ARHGAP40: variants seen among roughly 807,000 people sequenced by gnomAD.
The protein encoded by ARHGAP40 is rho GTPase-activating protein 40.
Under a neutral mutation model 73.5 loss-of-function variants are expected in ARHGAP40, and 43 were observed. The ratio of observed to expected loss-of-function variants is 0.58; its 90% confidence interval spans 0.46 to 0.75. The LOEUF (loss-of-function observed/expected upper bound fraction) is 0.75, where lower values mean the gene tolerates loss of function less well. Among genes scored for constraint, ARHGAP40 ranks in the 30% least tolerant of loss-of-function variants. The pLI is 0.00. For missense variants in ARHGAP40, 734 were observed against 861.8 expected (o/e 0.85, Z 1.86); for synonymous variants, 300 against 352.8 (o/e 0.85, Z 1.68).
At position 38,614,418 on chromosome 20, in the gene ARHGAP40, C is replaced by G. The variant is rs79393850; in HGVS notation, c.138-8941C>G. Among the ~76,000 whole-genome samples the G allele has an allele frequency of 4.2e-3, 638 of 152,168 alleles. 4 individuals are homozygous for G. Among genetic ancestry groups the G allele is most frequent in the African/African-American group, 0.014 (574 of 41,506 alleles). ...TGGATCGGGGCTTAGAGCATAAGCA[C>G]TGGTCAGCATCATTAGCTGCACCAT... On this transcript the variant is annotated intron_variant, in intron 1 of 14. Coordinates refer to ENST00000373345, the Ensembl canonical transcript of ARHGAP40.
chr20:38,628,350 G>C (rs2088915833), intron 3 of ARHGAP40, among the ~76,000 whole-genome samples: 1 of 151,604 alleles, frequency 6.6e-6, no homozygotes, highest in South Asian at 2.1e-4. Context: ...TGTCGCCCAG[G>C]CTAGAGTGCA....
exon 7 of ARHGAP40, chr20:38,637,796 A>G (rs1344362581): frequency 7.7e-7 from 1 of 1,304,938 alleles, no homozygotes; most frequent in South Asian, 1.2e-5. Context: ...TGGTCCTTCA[A>G]GCCGTAAGTC....
Position 38,650,011 on chromosome 20 carries a change from CAG to C in ARHGAP40, c.*164_*165del, listed in dbSNP as rs149648954. 6.5e-3 allele frequency: 2,826 copies of C among 431,466 alleles called. 67 individuals carry two copies. Among genetic ancestry groups the C allele is most frequent in the African/African-American group, 0.053 (2,576 of 48,424 alleles). 26.7% of individuals were successfully genotyped at this position (431,466 alleles called of 1,614,324 possible). A position where few individuals can be genotyped will look rare whatever the true frequency, so the allele number is the denominator to read the frequency against. Reference sequence around the variant, plus strand: ...CTCTCAGACCCCTCAGAAATAGACTCAGGGGTGGTGCTCTCTCCACTCAGAGG... The same window carrying C: ...CTCTCAGACCCCTCAGAAATAGACTCGGGTGGTGCTCTCTCCACTCAGAGG... On this transcript the variant is annotated 3_prime_UTR_variant, in exon 15 of 15. Transcript: ENST00000373345.
At chr20:38,626,049 C>T (rs2088897457) in intron 2 of ARHGAP40, among the ~76,000 whole-genome samples, 1 of 152,202 alleles carries the variant, frequency 6.6e-6, no homozygotes, top group African/African-American at 2.4e-5. Flanking sequence ...AGTACCTCCA[C>T]CAGCCAGCAC....
exon 15 of ARHGAP40, chr20:38,650,184 G>A: frequency 2.7e-6 from 1 of 375,970 alleles, no homozygotes; most frequent in Non-Finnish European, 5.3e-6. Flanking sequence ...CCACCCTCCA[G>A]CCCTCCAGAG....
chr20:38,603,451 A>ATCTATCTG (rs71189928), intron 1 of ARHGAP40, among the ~76,000 whole-genome samples: 23,488 of 150,010 alleles, frequency 0.16, 2,123 homozygotes, highest in Admixed American at 0.19. Context: ...CTATCTATCT[A>ATCTATCTG]TCTATCTATC....
intron 4 of ARHGAP40, among the ~76,000 whole-genome samples, 172 bp downstream of exon 4, chr20:38,629,174 T>C (rs2088921776): frequency 6.6e-6 from 1 of 152,194 alleles, no homozygotes; most frequent in African/African-American, 2.4e-5. Flanking sequence ...GGTTGGGCCC[T>C]TAAGTGAGCT....
intron 1 of ARHGAP40, among the ~76,000 whole-genome samples, chr20:38,621,561 A>G (rs1340505818): frequency 2.6e-5 from 4 of 152,156 alleles, no homozygotes; most frequent in Non-Finnish European, 4.4e-5. Context: ...ATGTCCCCTG[A>G]GTGAAGAAGA....
chr20:38,628,275 G>C (rs1484328054), intron 3 of ARHGAP40, among the ~76,000 whole-genome samples: 1 of 151,900 alleles, frequency 6.6e-6, no homozygotes, highest in Non-Finnish European at 1.5e-5. Context: ...TTCAGCCAAA[G>C]TCCCACCTCC....
intron 1 of ARHGAP40, among the ~76,000 whole-genome samples, chr20:38,621,258 A>G (rs1221860423): frequency 6.6e-6 from 1 of 152,252 alleles, no homozygotes; most frequent in Non-Finnish European, 1.5e-5. Flanking sequence ...AGGCAATGTG[A>G]TAAGAGTTCA....
chr20:38,647,357 C>T (rs1314367827), intron 13 of ARHGAP40, among the ~76,000 whole-genome samples: 1 of 147,668 alleles, frequency 6.8e-6, no homozygotes, highest in East Asian at 2.0e-4. Flanking sequence ...ATGCCTACCA[C>T]CAGGCACCAT....
chr20:38,641,817 T>A lies in ARHGAP40; in HGVS notation c.1362+9T>A. ...ACAGAAATGCCTTAAAGGTAAGAGTTACCATGCACCACCACCACTCTGCCA... is the reference window on the plus strand; with the variant it reads ...ACAGAAATGCCTTAAAGGTAAGAGTAACCATGCACCACCACCACTCTGCCA... On this transcript the variant is annotated intron_variant, in intron 10 of 14. Coordinates refer to ENST00000373345, the Ensembl canonical transcript of ARHGAP40. 1 of 1,281,012 alleles carries A rather than the reference T, an allele frequency of 7.8e-7. No homozygotes were observed. Among genetic ancestry groups the A allele is most frequent in the South Asian group, 1.3e-5 (1 of 76,568 alleles). The allele number at this position is 1,281,012 out of a possible 1,614,324, so 79.4% of individuals were successfully genotyped here.
At chr20:38,604,489 G>A (rs994734468) in intron 1 of ARHGAP40, among the ~76,000 whole-genome samples, 12 of 147,550 alleles carry the variant, frequency 8.1e-5, no homozygotes, top group Admixed American at 2.1e-4. Context: ...TCCGCCTCCC[G>A]GGTTCAAGTG....
chr20:38,606,460 A>G (rs2088771071), intron 1 of ARHGAP40, among the ~76,000 whole-genome samples: 1 of 152,186 alleles, frequency 6.6e-6, no homozygotes, highest in South Asian at 2.1e-4. Context: ...TTGTTTCCTA[A>G]TATACATGAC....
intron 11 of ARHGAP40, 105 bp downstream of exon 11, chr20:38,644,015 T>C (rs747574304): frequency 2.8e-4 from 293 of 1,055,818 alleles, no homozygotes; most frequent in Non-Finnish European, 3.5e-4. Flanking sequence ...GTGTGTCCCT[T>C]CCAGGACCTT....
rs180834546 is a variant in ARHGAP40 at position 38,628,833 on chromosome 20, A to G, written c.559-94A>G. 287 of 907,530 alleles carry G rather than the reference A, an allele frequency of 3.2e-4. No homozygotes were observed. In the African/African-American group the frequency reaches 4.9e-3, roughly 16 times the overall value. 56.2% of individuals were successfully genotyped at this position (907,530 alleles called of 1,614,324 possible). A position where few individuals can be genotyped will look rare whatever the true frequency, so the allele number is the denominator to read the frequency against. On this transcript the variant is annotated intron_variant, in intron 3 of 14. Transcript: ENST00000373345. ...CTGGGCTTCAGTGGCTCCATCTGTG[A>G]AAAGGGGTTGTGGGTGGCTTCTGTC...
chr20:38,629,071 A>T lies in ARHGAP40; in HGVS notation c.634+69A>T, dbSNP rs76359829. The T allele has an allele frequency of 1.3e-3, 1,547 of 1,174,264 alleles. 14 individuals are homozygous for T. The African/African-American group carries it at 0.022, about 17-fold the overall frequency. The allele number at this position is 1,174,264 out of a possible 1,614,324, so 72.7% of individuals were successfully genotyped here. A position where few individuals can be genotyped will look rare whatever the true frequency, so the allele number is the denominator to read the frequency against. ...TGCATAAAGGGCTGCTCTGTGAAGT[A>T]AGAGAATGTGCACACCTCCCAGCAT... On this transcript the variant is annotated intron_variant, in intron 4 of 14. Transcript: ENST00000373345.
chr20:38,614,265 G>A (rs2088821231), intron 1 of ARHGAP40, among the ~76,000 whole-genome samples: 2 of 152,192 alleles, frequency 1.3e-5, no homozygotes, highest in African/African-American at 4.8e-5. Context: ...GGCACACATG[G>A]CTATGTACAC....
intron 14 of ARHGAP40, among the ~76,000 whole-genome samples, chr20:38,649,086 T>A (rs908449216): frequency 2.6e-5 from 4 of 152,190 alleles, no homozygotes; most frequent in Admixed American, 2.0e-4. Context: ...CATATCCAGC[T>A]CTGGGAGTTC....
Sources: allele counts gnomAD v4.1 joint callset (sites outside exome capture counted in the v4.1 genomes callset), GRCh38; gene constraint gnomAD v4.1.1; transcripts MANE v1.5; gene names NCBI Gene and HGNC (gene_info 2026-07-23, HGNC 2026-07-21).